The following FAM81A variants were observed in gnomAD, a reference collection of about 807,000 sequenced individuals.
The protein encoded by FAM81A is protein FAM81A.
In FAM81A, 19 loss-of-function variants were observed where a neutral mutation model predicts 46.7. The ratio of observed to expected loss-of-function variants is 0.41; its 90% CI spans 0.28 to 0.60. The LOEUF (loss-of-function observed/expected upper bound fraction) is 0.60. FAM81A is among the 20% of genes least tolerant of loss of function. The pLI is 0.34. For missense variants in FAM81A, 377 were observed against 453.5 expected, an observed-to-expected ratio of 0.83 and a Z score of 1.53; for synonymous variants, 183 against 152.9, an observed-to-expected ratio of 1.20 and a Z score of -1.45.
intron 2 of FAM81A, among the ~76,000 whole-genome samples, chr15:59,428,193 C>G (rs2081203472): frequency 1.3e-5 from 2 of 152,094 alleles, no homozygotes; most frequent in South Asian, 4.1e-4. Context: ...TTTGCCATTT[C>G]TATGTCTTCT....
chr15:59,468,359 C>A (rs1457303263), intron 3 of FAM81A, among the ~76,000 whole-genome samples: 1 of 151,762 alleles, frequency 6.6e-6, no homozygotes. Flanking sequence ...TGACTGGTGG[C>A]CTATTTATTA....
chr15:59,461,526 G>T (rs774387782), intron 3 of FAM81A, among the ~76,000 whole-genome samples: 5 of 151,968 alleles, frequency 3.3e-5, no homozygotes, highest in Non-Finnish European at 7.4e-5. Context: ...TCACTATGTT[G>T]CCCAGACAGG....
At chr15:59,438,665 T>G (rs1334919476) in intron 1 of FAM81A, 1 of 152,172 alleles carries the variant, frequency 6.6e-6, no homozygotes, top group Non-Finnish European at 1.5e-5. Context: ...CCCCTTCGCT[T>G]TTTCTCATCT....
At chr15:59,449,788 A>C (rs1337912839) in intron 1 of FAM81A, among the ~76,000 whole-genome samples, 4 of 147,684 alleles carry the variant, frequency 2.7e-5, no homozygotes, top group African/African-American at 5.0e-5. Context: ...TCTCAAAAAA[A>C]AAAAAAAAAA....
At chr15:59,468,194 C>G (rs2081639512) in intron 3 of FAM81A, among the ~76,000 whole-genome samples, 1 of 152,058 alleles carries the variant, frequency 6.6e-6, no homozygotes, top group Admixed American at 6.6e-5. Context: ...CTCTGCCAGG[C>G]TTTGGTATCA....
chr15:59,480,008 G>GT (rs2081829706), intron 3 of FAM81A, among the ~76,000 whole-genome samples: 1 of 152,182 alleles, frequency 6.6e-6, no homozygotes, highest in Non-Finnish European at 1.5e-5. Flanking sequence ...AGGGAGTCAA[G>GT]TTAGGGGACT....
At chr15:59,507,873 T>A (rs1189180666) in intron 5 of FAM81A, among the ~76,000 whole-genome samples, 4 of 152,218 alleles carry the variant, frequency 2.6e-5, no homozygotes, top group Non-Finnish European at 5.9e-5. Context: ...TTCAGTTTGT[T>A]TTTTGGCCAC....
chr15:59,514,556 T>C, intron 7 of FAM81A, 132 bp downstream of exon 7: 1 of 1,161,466 alleles, frequency 8.6e-7, no homozygotes, highest in Admixed American at 2.6e-5. Context: ...TCCATTTCCA[T>C]AGTTCCATAT....
chr15:59,429,705 T>C (rs569684719), intron 2 of FAM81A, among the ~76,000 whole-genome samples: 3 of 152,338 alleles, frequency 2.0e-5, no homozygotes, highest in Admixed American at 6.5e-5. Flanking sequence ...AAAAGAATGT[T>C]TTGACTTTTA....
At chr15:59,432,126 G>A (rs1418916631) in intron 2 of FAM81A, among the ~76,000 whole-genome samples, 2 of 151,958 alleles carry the variant, frequency 1.3e-5, no homozygotes, top group African/African-American at 2.4e-5. Context: ...TTTAAACACT[G>A]CATCACTCTA....
At chr15:59,436,507 A>G (rs1443844510), upstream of FAM81A, among the ~76,000 whole-genome samples, 1 of 152,192 alleles carries the variant, frequency 6.6e-6, no homozygotes, top group Non-Finnish European at 1.5e-5. Context: ...CTCCATATGC[A>G]CTGAAAGGCA....
intron 3 of FAM81A, among the ~76,000 whole-genome samples, chr15:59,466,589 G>A (rs2081616564): frequency 6.6e-6 from 1 of 151,296 alleles, no homozygotes; most frequent in Admixed American, 6.6e-5. Context: ...TGAGTTCTTT[G>A]TAGATTCTGG....
At chr15:59,488,670 A>G (rs566395543) in intron 3 of FAM81A, among the ~76,000 whole-genome samples, 1 of 152,346 alleles carries the variant, frequency 6.6e-6, no homozygotes, top group East Asian at 1.9e-4. Flanking sequence ...CTCATTTCCA[A>G]TTGCTGTAAA....
rs760005568 is a variant in FAM81A at position 59,458,618 on chromosome 15, G to A, written c.-9G>A. The stretch of plus-strand genomic sequence containing the variant: ...TTCCTTCTCGTGTCACCAAGGAAAG[G>A]TATAATATATGGAAAATATGCATCT... On this transcript the variant is annotated 5_prime_UTR_variant, in exon 2 of 9. Coordinates refer to ENST00000288228, the MANE Select transcript of FAM81A (RefSeq NM_152450.3). 12 of 1,613,788 alleles carry A rather than the reference G, an allele frequency of 7.4e-6. No homozygotes were observed. The highest frequency in any genetic ancestry group is 3.3e-5 in the Admixed American group (2 of 60,004).
At chr15:59,414,547 C>T (rs1267816051) in intron 2 of FAM81A, among the ~76,000 whole-genome samples, 5 of 151,990 alleles carry the variant, frequency 3.3e-5, no homozygotes, top group Admixed American at 6.6e-5. Context: ...AATGAATGGG[C>T]CCTTCTCTTG....
chr15:59,443,854 C>G (rs759236245), intron 1 of FAM81A: 2 of 152,270 alleles, frequency 1.3e-5, no homozygotes, highest in African/African-American at 2.4e-5. Flanking sequence ...ATCGACTGTT[C>G]CAGCCTAATT....
chr15:59,437,056 A>T (rs1216952040), upstream of FAM81A, among the ~76,000 whole-genome samples: 6 of 152,202 alleles, frequency 3.9e-5, no homozygotes, highest in Non-Finnish European at 7.3e-5. Context: ...GCTTTGTGGA[A>T]GTTATTAGCC....
At chr15:59,401,236 G>A (rs2081068701) in intron 1 of FAM81A, 1 of 1,036,168 alleles carries the variant, frequency 9.7e-7, no homozygotes, top group Non-Finnish European at 1.5e-6. Flanking sequence ...CAGTAAGACT[G>A]CATTTATGCA....
chr15:59,476,005 C>A (rs2081762326), intron 3 of FAM81A, among the ~76,000 whole-genome samples: 1 of 152,160 alleles, frequency 6.6e-6, no homozygotes, highest in African/African-American at 2.4e-5. Flanking sequence ...AGTCCAAGAT[C>A]AAAATGCTGG....
Sources: allele counts gnomAD v4.1 joint callset (sites outside exome capture counted in the v4.1 genomes callset), GRCh38; gene constraint gnomAD v4.1.1; transcripts MANE v1.5; gene names NCBI Gene and HGNC (gene_info 2026-07-23, HGNC 2026-07-21).